Variants in SNX29 observed in about 807,000 individuals in gnomAD.
SNX29 encodes sorting nexin-29.
SNX29 carries 78 observed loss-of-function variants against 102.1 expected under a neutral mutation model. The ratio of observed to expected loss-of-function variants is 0.76; its 90% confidence interval spans 0.64 to 0.92. The LOEUF (loss-of-function observed/expected upper bound fraction) is 0.92. Among genes scored for constraint, SNX29 ranks in the 40% least tolerant of loss-of-function variants. SNX29 has a pLI of 0.00. For synonymous variants in SNX29, 580 were observed against 414.5 expected (o/e 1.40, Z -4.85); for missense variants, 1,280 against 1,061.7 (o/e 1.21, Z -2.86).
At chr16:12,236,391 C>T (rs572031822) in intron 14 of SNX29, among the ~76,000 whole-genome samples, 5 of 152,266 alleles carry the variant, frequency 3.3e-5, no homozygotes, top group Admixed American at 6.5e-5. Context: ...TTTCATTTCT[C>T]GCTATTCTTC....
intron 20 of SNX29, among the ~76,000 whole-genome samples, chr16:12,533,346 G>C (rs1320966343): frequency 6.6e-6 from 1 of 152,184 alleles, no homozygotes; most frequent in Non-Finnish European, 1.5e-5. Context: ...TGGGTCCTGG[G>C]ATAGCTTAGA....
At chr16:12,519,595 GA>G (rs1256362284) in intron 19 of SNX29, among the ~76,000 whole-genome samples, 9 of 152,186 alleles carry the variant, frequency 5.9e-5, no homozygotes, top group Non-Finnish European at 1.0e-4. Context: ...ACACCTTAGC[GA>G]AAAGGTAAAA....
chr16:12,123,056 A>C (rs1157251019), intron 11 of SNX29, among the ~76,000 whole-genome samples: 2 of 152,034 alleles, frequency 1.3e-5, no homozygotes, highest in Non-Finnish European at 2.9e-5. Context: ...TGAACTCCTG[A>C]CCTCAAGTGA....
intron 20 of SNX29, among the ~76,000 whole-genome samples, chr16:12,559,919 C>CA (rs1185378406): frequency 6.6e-6 from 1 of 152,158 alleles, no homozygotes; most frequent in African/African-American, 2.4e-5. Context: ...GTGGAGCTTG[C>CA]AGTGAGTCGA....
intron 13 of SNX29, among the ~76,000 whole-genome samples, chr16:12,172,132 A>G (rs1370576202): frequency 6.6e-6 from 1 of 152,192 alleles, no homozygotes; most frequent in Non-Finnish European, 1.5e-5. Context: ...AACAACATGA[A>G]GTGTTGCCTA....
At chr16:12,386,838 A>T (rs955454264) in intron 16 of SNX29, among the ~76,000 whole-genome samples, 6 of 152,156 alleles carry the variant, frequency 3.9e-5, no homozygotes, top group African/African-American at 1.4e-4. Context: ...AGAGAGCCAC[A>T]CCTAGGTCGG....
At chr16:12,130,994 A>T (rs1174825034) in intron 13 of SNX29, among the ~76,000 whole-genome samples, 1 of 151,992 alleles carries the variant, frequency 6.6e-6, no homozygotes, top group Admixed American at 6.6e-5. Context: ...TTCCTGTATG[A>T]GTATATATTT....
At chr16:12,230,538 G>A (rs2077737088) in intron 14 of SNX29, among the ~76,000 whole-genome samples, 2 of 152,144 alleles carry the variant, frequency 1.3e-5, no homozygotes, top group Non-Finnish European at 2.9e-5. Context: ...AATACTGGAA[G>A]GGCCTGTTCA....
At chr16:12,490,150 T>A (rs2088472355) in intron 19 of SNX29, among the ~76,000 whole-genome samples, 1 of 152,132 alleles carries the variant, frequency 6.6e-6, no homozygotes, top group Non-Finnish European at 1.5e-5. Flanking sequence ...ACCTCCAATT[T>A]TAAGGTACAG....
chr16:12,009,840 T>C (rs2056588509), intron 3 of SNX29, among the ~76,000 whole-genome samples: 1 of 152,254 alleles, frequency 6.6e-6, no homozygotes, highest in African/African-American at 2.4e-5. Context: ...AGGAGCTTTG[T>C]AGGCCCTAGA....
At chr16:12,334,546 A>T (rs543411485) in intron 15 of SNX29, among the ~76,000 whole-genome samples, 1 of 152,302 alleles carries the variant, frequency 6.6e-6, no homozygotes, top group African/African-American at 2.4e-5. Context: ...CGCAAACATT[A>T]TGGGACCCCT....
chr16:12,474,759 T>G (rs928993918), intron 18 of SNX29, among the ~76,000 whole-genome samples: 5 of 152,208 alleles, frequency 3.3e-5, no homozygotes, highest in African/African-American at 1.2e-4. Flanking sequence ...TTTTTTAAAG[T>G]GCATTGATCT....
intron 16 of SNX29, among the ~76,000 whole-genome samples, chr16:12,377,212 A>G (rs1419573832): frequency 6.6e-6 from 1 of 152,164 alleles, no homozygotes; most frequent in East Asian, 1.9e-4. Context: ...AGGGTGTAGT[A>G]TATTAGTCAA....
At chr16:12,008,807 T>C (rs2056546408) in intron 3 of SNX29, among the ~76,000 whole-genome samples, 1 of 150,772 alleles carries the variant, frequency 6.6e-6, no homozygotes. Context: ...AGTGGCGCAA[T>C]CTCAGTTCAC....
At chr16:12,027,596 A>G in intron 4 of SNX29, 152 bp downstream of exon 4, 1 of 840,670 alleles carries the variant, frequency 1.2e-6, no homozygotes. Context: ...AATAGTAGTC[A>G]AAACGTAATG....
At chr16:12,494,942 C>A (rs568067682) in intron 19 of SNX29, among the ~76,000 whole-genome samples, 1 of 152,300 alleles carries the variant, frequency 6.6e-6, no homozygotes, top group Admixed American at 6.5e-5. Flanking sequence ...GCATGCCAGG[C>A]AGGGTGCCAA....
At chr16:12,536,162 C>G (rs2077072856) in intron 20 of SNX29, among the ~76,000 whole-genome samples, 1 of 152,186 alleles carries the variant, frequency 6.6e-6, no homozygotes, top group Admixed American at 6.5e-5. Flanking sequence ...GCAGAATCTC[C>G]TGGCTTAGCA....
At chr16:12,164,395 T>C (rs911681047) in intron 13 of SNX29, among the ~76,000 whole-genome samples, 1 of 152,282 alleles carries the variant, frequency 6.6e-6, no homozygotes, top group East Asian at 1.9e-4. Flanking sequence ...GTAATAAGGA[T>C]TTATAAGATG....
chr16:11,976,938 T>A, intron 1 of SNX29, 125 bp downstream of exon 1: 1 of 1,194,082 alleles, frequency 8.4e-7, no homozygotes, highest in Non-Finnish European at 1.1e-6. Flanking sequence ...AGTCGCTCCC[T>A]TTTCCAGACC....
Sources: gnomAD v4.1 joint callset for allele counts (sites outside exome capture counted in the v4.1 genomes callset) on GRCh38, gnomAD v4.1.1 for gene constraint, MANE v1.5 for transcripts, NCBI Gene and HGNC (gene_info 2026-07-23, HGNC 2026-07-21) for gene names.